The following PLB1 variants were observed in gnomAD, a reference collection of about 807,000 sequenced individuals.
PLB1 encodes the protein phospholipase B1, membrane-associated.
A neutral mutation model predicts 227.4 loss-of-function variants in PLB1; 242 were observed. That is an observed-to-expected ratio of 1.06 (90% confidence interval 0.96 to 1.18). PLB1 has a LOEUF of 1.18. Among genes scored for constraint, PLB1 ranks in the 50% most tolerant of loss-of-function variants. The pLI is 0.00. For missense variants in PLB1, 1,858 were observed against 1,816.3 expected (o/e 1.02, Z -0.42); for synonymous variants, 757 against 682.2 (o/e 1.11, Z -1.71).
At chr2:28,621,895 T>G (rs1260088914) in intron 49 of PLB1, among the ~76,000 whole-genome samples, 2 of 152,228 alleles carry the variant, frequency 1.3e-5, no homozygotes, top group Non-Finnish European at 2.9e-5. Flanking sequence ...TCTTGTACAG[T>G]ACAGGCTTCA....
intron 1 of PLB1, among the ~76,000 whole-genome samples, chr2:28,504,576 CTA>C (rs1004707977): frequency 3.0e-4 from 46 of 152,208 alleles, no homozygotes; most frequent in African/African-American, 1.1e-3. Context: ...AACCCCATCT[CTA>C]CTGAAAATAC....
intron 43 of PLB1, among the ~76,000 whole-genome samples, chr2:28,610,902 C>A (rs141030976): frequency 1.3e-5 from 2 of 152,100 alleles, no homozygotes; most frequent in South Asian, 2.1e-4. Context: ...TTTCTACTCA[C>A]GGGGGCTCCA....
At chr2:28,622,315 T>A (rs924277763) in intron 49 of PLB1, among the ~76,000 whole-genome samples, 1 of 152,214 alleles carries the variant, frequency 6.6e-6, no homozygotes, top group African/African-American at 2.4e-5. Context: ...TTGGGCAAGT[T>A]GCCTAGCATC....
In PLB1 at chr2:28,602,850, C is replaced by T; in HGVS notation, c.2703C>T (p.Asp901=). The T allele has an allele frequency of 6.2e-7, 1 of 1,614,188 alleles. No individual in the cohort carries two copies. The highest frequency in any genetic ancestry group is 8.5e-7 in the Non-Finnish European group (1 of 1,180,002). ...EVPRVLVNLV[D]FLNPTIMRQV... ...CCAGAGTCCTGGTCAACCTCGTGGA[C>T]TTCCTGAACCCCACTATCATGCGGC... Residue 901 remains aspartate, a synonymous_variant, in exon 39 of 58, where the codon GAC becomes GAT. Coordinates refer to ENST00000327757, the MANE Select transcript of PLB1 (RefSeq NM_153021.5).
At chr2:28,564,385 G>C (rs564260785) in intron 18 of PLB1, among the ~76,000 whole-genome samples, 1 of 152,118 alleles carries the variant, frequency 6.6e-6, no homozygotes, top group Admixed American at 6.5e-5. Context: ...AGCCTCCTCC[G>C]TGGCCCCTCA....
chr2:28,546,711 A>C (rs1276266581), intron 14 of PLB1, among the ~76,000 whole-genome samples: 1 of 152,138 alleles, frequency 6.6e-6, no homozygotes, highest in Non-Finnish European at 1.5e-5. Flanking sequence ...AGCAAGGAGG[A>C]TGGAGGGGAC....
At chr2:28,591,579 C>A in intron 30 of PLB1, 121 bp from the exon 31 acceptor site, 1 of 1,000,330 alleles carries the variant, frequency 1.0e-6, no homozygotes, top group Non-Finnish European at 1.5e-6. Context: ...CCTTTTGAGG[C>A]CCCTCCCTAG....
At chr2:28,629,220 A>C (rs753313844) in intron 53 of PLB1, 35 bp downstream of exon 53, 1 of 1,599,052 alleles carries the variant, frequency 6.3e-7, no homozygotes, top group Non-Finnish European at 8.5e-7. Context: ...AGGCAAGGGC[A>C]CCTGGGGTGA....
At chr2:28,588,367 ACTTC>A (rs1681278283) in intron 26 of PLB1, among the ~76,000 whole-genome samples, 1 of 152,050 alleles carries the variant, frequency 6.6e-6, no homozygotes, top group African/African-American at 2.4e-5. Context: ...ACAGCACCTC[ACTTC>A]CTTCCCCTCT....
At chr2:28,513,398 A>C (rs1668495968) in intron 1 of PLB1, among the ~76,000 whole-genome samples, 2 of 152,206 alleles carry the variant, frequency 1.3e-5, no homozygotes, top group South Asian at 4.1e-4. Flanking sequence ...TCCCACTTGA[A>C]AGCCTGGGAT....
At chr2:28,568,556 A>G (rs966782096) in intron 20 of PLB1, among the ~76,000 whole-genome samples, 4 of 152,240 alleles carry the variant, frequency 2.6e-5, no homozygotes, top group Non-Finnish European at 4.4e-5. Context: ...TAAGGGCAGA[A>G]CAGAATCCCC....
At chr2:28,536,559 A>G (rs369961876) in intron 9 of PLB1, among the ~76,000 whole-genome samples, 32 of 152,334 alleles carry the variant, frequency 2.1e-4, no homozygotes, top group African/African-American at 7.5e-4. Flanking sequence ...TGACTGAATA[A>G]TATCCCATTC....
chr2:28,606,634 C>G, intron 43 of PLB1, 67 bp downstream of exon 43: 3 of 1,412,810 alleles, frequency 2.1e-6, no homozygotes, highest in Non-Finnish European at 2.0e-6. Context: ...CTACCCACTT[C>G]GTCCTCCACC....
At chr2:28,555,342 A>G (rs979907552) in intron 17 of PLB1, among the ~76,000 whole-genome samples, 1 of 152,050 alleles carries the variant, frequency 6.6e-6, no homozygotes, top group African/African-American at 2.4e-5. Context: ...GGGTTTCGCC[A>G]TGTTGGCCAG....
intron 9 of PLB1, among the ~76,000 whole-genome samples, chr2:28,536,925 T>C (rs747694608): frequency 1.2e-4 from 18 of 152,072 alleles, no homozygotes; most frequent in Non-Finnish European, 2.1e-4. Flanking sequence ...ATTCACACTC[T>C]AGAGAGAGCC....
In PLB1 at chr2:28,582,278, G is replaced by A. The variant is rs879358144; in HGVS notation, c.1633-127G>A. 2.3e-5 allele frequency: 27 copies of A among 1,182,024 alleles called. No individual in the cohort carries two copies. In the African/African-American group the frequency reaches 2.7e-4, roughly 12 times the overall value. 73.2% of individuals were successfully genotyped at this position (1,182,024 alleles called of 1,614,324 possible). On this transcript the variant is annotated intron_variant, in intron 24 of 57. Coordinates refer to ENST00000327757, the MANE Select transcript of PLB1 (RefSeq NM_153021.5). Reference sequence around the variant, plus strand: ...GCATAGAGGGGGAGCAGGGACGGGTGGAGGAAGTGGATGGGGGCAGATGGA... The same window carrying A: ...GCATAGAGGGGGAGCAGGGACGGGTAGAGGAAGTGGATGGGGGCAGATGGA...
intron 9 of PLB1, 132 bp from the exon 10 acceptor site, chr2:28,538,187 G>C: frequency 9.8e-7 from 1 of 1,024,074 alleles, no homozygotes; most frequent in South Asian, 1.3e-5. Context: ...CCTCCTTTGT[G>C]GAATGCCAGG....
intron 12 of PLB1, 100 bp downstream of exon 12, chr2:28,540,541 T>G: frequency 1.1e-6 from 1 of 931,936 alleles, no homozygotes. Context: ...TTTGCTAATG[T>G]TAGGACTTCT....
intron 6 of PLB1, among the ~76,000 whole-genome samples, chr2:28,526,685 C>T (rs959460028): frequency 2.0e-5 from 3 of 152,124 alleles, no homozygotes; most frequent in African/African-American, 7.2e-5. Flanking sequence ...CTTCGCCGTC[C>T]GTATTAGAGC....
Sources: gnomAD v4.1 joint callset for allele counts (sites outside exome capture counted in the v4.1 genomes callset) on GRCh38, gnomAD v4.1.1 for gene constraint, MANE v1.5 for transcripts, NCBI Gene and HGNC (gene_info 2026-07-23, HGNC 2026-07-21) for gene names.